Variants in MALRD1 observed in about 807,000 individuals in gnomAD.
MALRD1 encodes MAM and LDL receptor class A domain containing 1.
In MALRD1, 247 loss-of-function variants were observed where a neutral mutation model predicts 242.1. The ratio of observed to expected loss-of-function variants is 1.02; its 90% confidence interval spans 0.92 to 1.13. The LOEUF (loss-of-function observed/expected upper bound fraction) is 1.13. Among genes scored for constraint, MALRD1 ranks in the 50% most tolerant of loss-of-function variants. The pLI, the probability that MALRD1 is intolerant of heterozygous loss-of-function variation, is 0.00. For missense variants in MALRD1, 2,989 were observed against 2,533.1 expected, an observed-to-expected ratio of 1.18 and a Z score of -3.86; for synonymous variants, 995 against 866.6, an observed-to-expected ratio of 1.15 and a Z score of -2.60.
intron 9 of MALRD1, among the ~76,000 whole-genome samples, chr10:19,135,769 A>T (rs1325027353): frequency 6.6e-6 from 1 of 152,216 alleles, no homozygotes; most frequent in Admixed American, 6.5e-5. Context: ...ATAATTGGTT[A>T]TCTGTGATAC....
chr10:19,376,553 T>A (rs1213461218), intron 26 of MALRD1, among the ~76,000 whole-genome samples: 4 of 141,360 alleles, frequency 2.8e-5, no homozygotes, highest in African/African-American at 5.3e-5. Context: ...TTTTTTTTTT[T>A]TTTTTTTTTT....
intron 11 of MALRD1, among the ~76,000 whole-genome samples, chr10:19,151,517 A>G (rs1833942378): frequency 1.3e-5 from 2 of 152,094 alleles, no homozygotes; most frequent in African/African-American, 2.4e-5. Flanking sequence ...TAACAGTTCT[A>G]TCTTCCTTTT....
intron 29 of MALRD1, among the ~76,000 whole-genome samples, chr10:19,468,951 A>T (rs1230224618): frequency 3.9e-5 from 6 of 151,938 alleles, no homozygotes; most frequent in Non-Finnish European, 8.8e-5. Flanking sequence ...TTTTTAATAA[A>T]TAATATTTAT....
chr10:19,392,186 T>C (rs2130823743), intron 28 of MALRD1, among the ~76,000 whole-genome samples: 1 of 152,314 alleles, frequency 6.6e-6, no homozygotes, highest in South Asian at 2.1e-4. Context: ...ATGGAATTCT[T>C]AACACACCCC....
chr10:19,441,422 A>G (rs1050652241), intron 28 of MALRD1, among the ~76,000 whole-genome samples: 5 of 152,142 alleles, frequency 3.3e-5, no homozygotes, highest in Admixed American at 2.0e-4. Flanking sequence ...TCCCATGCCT[A>G]TGTCCTGAAT....
At chr10:19,218,703 G>T (rs1486311007) in intron 18 of MALRD1, among the ~76,000 whole-genome samples, 1 of 151,972 alleles carries the variant, frequency 6.6e-6, no homozygotes, top group African/African-American at 2.4e-5. Context: ...AGTCTTACAG[G>T]TATTTAAGAA....
At chr10:19,129,627 C>G (rs1837389849) in intron 8 of MALRD1, among the ~76,000 whole-genome samples, 1 of 151,554 alleles carries the variant, frequency 6.6e-6, no homozygotes, top group Non-Finnish European at 1.5e-5. Context: ...GTGATGAGTC[C>G]CATAAGATTC....
chr10:19,145,146 G>A (rs560443508), intron 10 of MALRD1, among the ~76,000 whole-genome samples: 8 of 152,184 alleles, frequency 5.3e-5, no homozygotes, highest in Non-Finnish European at 8.8e-5. Flanking sequence ...TGAATTTCTC[G>A]AAAGCAGAAA....
intron 26 of MALRD1, among the ~76,000 whole-genome samples, chr10:19,368,891 T>TTGTGTGTGTGTGTGTG (rs71387066): frequency 1.3e-5 from 1 of 79,532 alleles, no homozygotes; most frequent in African/African-American, 5.6e-5. Context: ...GTGTGTGTGT[T>TTGTGTGTGTGTGTGTG]TGTGTGTGTG....
intron 26 of MALRD1, among the ~76,000 whole-genome samples, chr10:19,386,743 A>AG (rs1846097719): frequency 2.4e-5 from 3 of 125,810 alleles, no homozygotes; most frequent in African/African-American, 6.0e-5. Flanking sequence ...CACACACACA[A>AG]TACTCTTTTA....
At chr10:19,507,074 G>T (rs1319409113) in intron 31 of MALRD1, among the ~76,000 whole-genome samples, 1 of 151,986 alleles carries the variant, frequency 6.6e-6, no homozygotes, top group East Asian at 1.9e-4. Context: ...AGAGAAAGTG[G>T]CAGGGAGAGG....
chr10:19,501,375 C>G (rs765444612), intron 31 of MALRD1, among the ~76,000 whole-genome samples: 3 of 152,050 alleles, frequency 2.0e-5, no homozygotes, highest in Non-Finnish European at 4.4e-5. Context: ...TAGAAATTGC[C>G]CCTGTTGAGA....
At chr10:19,165,074 C>G (rs1357248147) in intron 12 of MALRD1, among the ~76,000 whole-genome samples, 1 of 150,882 alleles carries the variant, frequency 6.6e-6, no homozygotes, top group Non-Finnish European at 1.5e-5. Flanking sequence ...TATAGTAATA[C>G]TTGATTTTGT....
chr10:19,062,187 A>C (rs915698992), intron 1 of MALRD1, among the ~76,000 whole-genome samples: 1 of 152,214 alleles, frequency 6.6e-6, no homozygotes, highest in Non-Finnish European at 1.5e-5. Context: ...ATTGTTCATC[A>C]TTAGGGAAAT....
intron 38 of MALRD1, among the ~76,000 whole-genome samples, chr10:19,723,686 G>A (rs962756080): frequency 4.0e-5 from 6 of 151,506 alleles, no homozygotes; most frequent in African/African-American, 1.2e-4. Context: ...AGGCTGCAGT[G>A]AGCTATGATC....
chr10:19,523,836 TG>T (rs1203402861), intron 31 of MALRD1, among the ~76,000 whole-genome samples: 1 of 151,392 alleles, frequency 6.6e-6, no homozygotes, highest in African/African-American at 2.4e-5. Context: ...GGGGGGCGCA[TG>T]GGGGGAGTTT....
intron 33 of MALRD1, among the ~76,000 whole-genome samples, chr10:19,570,419 T>A (rs1836470368): frequency 6.6e-6 from 1 of 152,080 alleles, no homozygotes; most frequent in Non-Finnish European, 1.5e-5. Flanking sequence ...TATGTGACAT[T>A]TGAAGTAAAC....
chr10:19,643,261 G>A (rs191123413), intron 36 of MALRD1, among the ~76,000 whole-genome samples: 1 of 151,820 alleles, frequency 6.6e-6, no homozygotes, highest in Admixed American at 6.6e-5. Flanking sequence ...GTGAAACCCC[G>A]TCTCTAATAA....
At chr10:19,519,720 C>G (rs542442647) in intron 31 of MALRD1, among the ~76,000 whole-genome samples, 4 of 152,202 alleles carry the variant, frequency 2.6e-5, no homozygotes, top group African/African-American at 7.2e-5. Flanking sequence ...ACTGTTATCA[C>G]GCCACTGCAA....
Sources: gnomAD v4.1 joint callset for allele counts (sites outside exome capture counted in the v4.1 genomes callset) on GRCh38, gnomAD v4.1.1 for gene constraint, MANE v1.5 for transcripts, NCBI Gene and HGNC (gene_info 2026-07-23, HGNC 2026-07-21) for gene names.